PRELID3B: variants seen among roughly 807,000 people sequenced by gnomAD.
PRELID3B encodes the protein PRELI domain containing 3B, also known as PRELI domain containing protein 3B.
Under a neutral mutation model 24.0 loss-of-function variants are expected in PRELID3B, and 15 were observed. That is an observed-to-expected ratio of 0.63 (90% CI 0.42 to 0.96). The LOEUF (loss-of-function observed/expected upper bound fraction) is 0.96, where lower values mean the gene tolerates loss of function less well. PRELID3B is among the 40% of genes least tolerant of loss of function. The pLI is 0.00. For synonymous variants in PRELID3B, 62 were observed against 76.0 expected, an observed-to-expected ratio of 0.82 and a Z score of 0.96; for missense variants, 189 against 236.0, an observed-to-expected ratio of 0.80 and a Z score of 1.30.
At position 59,040,375 on chromosome 20, in the gene PRELID3B, GCT is replaced by G. The variant is rs773692350; in HGVS notation, c.33-1743_33-1742del. On this transcript the variant is annotated intron_variant, in intron 1 of 5. Coordinates refer to ENST00000355937, the MANE Select transcript of PRELID3B (RefSeq NM_016045.3). The surrounding 1 kb of genome is among the most constrained non-coding windows in gnomAD (Gnocchi z 4.1). ...GTAGAATCAGGAGGACCTGGCTATG[GCT>G]CACTGACCGGTCCAACTTCTTCACC... 2.0e-5 allele frequency among the ~76,000 whole-genome samples: 3 copies of G among 152,194 alleles called. No individual in the cohort carries two copies. The highest frequency in any genetic ancestry group is 2.9e-5 in the Non-Finnish European group (2 of 68,034).
In PRELID3B at chr20:59,039,994, T is replaced by A. The variant is rs189780069; in HGVS notation, c.33-1360A>T. 1.6e-3 allele frequency among the ~76,000 whole-genome samples: 250 copies of A among 152,256 alleles called. 1 individual carries two copies. The highest frequency in any genetic ancestry group is 2.5e-3 in the Non-Finnish European group (167 of 68,006). ...AAGCACTGATTCTTACCAAGGCAAC[T>A]CTCTAAAATGAAAATCAGATGAACC... On this transcript the variant is annotated intron_variant, in intron 1 of 5. Transcript: ENST00000355937.
rs769895356 is a variant in PRELID3B, at chr20:59,038,476, A to G, written c.191T>C (p.Ile64Thr). ...TAAAGACACACTTACAGACTTCACA[A>G]TGGAAGGCAGTCCCCACTCTGTGCT... ...LLSTEWGLPS[I>T]VKSLIGAART... Residue 64 changes from isoleucine to threonine, a missense_variant, in exon 2 of 6, where the codon ATT (isoleucine) becomes ACT (threonine). Transcript: ENST00000355937. The G allele has an allele frequency of 1.2e-6, 2 of 1,613,302 alleles. No individual in the cohort carries two copies. Among genetic ancestry groups the G allele is most frequent in the African/African-American group, 1.3e-5 (1 of 74,996 alleles).
At chr20:59,039,850 T>C (rs1357439251) in intron 1 of PRELID3B, among the ~76,000 whole-genome samples, 1 of 152,224 alleles carries the variant, frequency 6.6e-6, no homozygotes, top group African/African-American at 2.4e-5. Context: ...TATACAATAT[T>C]GTACCAATGA....
chr20:59,042,753 T>G lies in PRELID3B; in HGVS notation c.-23A>C, dbSNP rs779242806. The G allele has an allele frequency of 5.1e-5, 82 of 1,597,924 alleles. No individual in the cohort carries two copies. The highest frequency in any genetic ancestry group is 5.8e-5 in the Non-Finnish European group (68 of 1,173,052). Reference sequence around the variant, plus strand: ...CATGGTGCCGGCACCCTGAGAGATGTCCGGGTAGCGCCAGGGGACAACGAG... The same window carrying G: ...CATGGTGCCGGCACCCTGAGAGATGGCCGGGTAGCGCCAGGGGACAACGAG... On this transcript the variant is annotated 5_prime_UTR_variant, in exon 1 of 6. Coordinates refer to ENST00000355937, the MANE Select transcript of PRELID3B (RefSeq NM_016045.3).
At chr20:59,042,538 C>T (rs1470249876) in intron 1 of PRELID3B, among the ~76,000 whole-genome samples, 161 bp downstream of exon 1, 3 of 152,200 alleles carry the variant, frequency 2.0e-5, no homozygotes, top group Non-Finnish European at 4.4e-5. Context: ...GGGTCGTGAC[C>T]TTGGTCTGCC....
In PRELID3B at chr20:59,036,768, A is replaced by G; in HGVS notation, c.292-8T>C. On this transcript the variant is annotated splice_polypyrimidine_tract_variant and splice_region_variant and intron_variant, in intron 3 of 5. Coordinates refer to ENST00000355937, the MANE Select transcript of PRELID3B (RefSeq NM_016045.3). ...CATGTTTGTAAATGAAATCTACAGAATGAAGAAAAAAAAAAAAGATCAAAT... is the reference window on the plus strand; with the variant it reads ...CATGTTTGTAAATGAAATCTACAGAGTGAAGAAAAAAAAAAAAGATCAAAT... The G allele has an allele frequency of 6.7e-7, 1 of 1,500,896 alleles. No individual in the cohort carries two copies. Among genetic ancestry groups the G allele is most frequent in the Non-Finnish European group, 9.1e-7 (1 of 1,102,866 alleles). 93.0% of individuals were successfully genotyped at this position (1,500,896 alleles called of 1,614,324 possible).
chr20:59,035,191 A>G (rs749196348), intron 5 of PRELID3B, 65 bp from the exon 6 acceptor site: 6 of 1,459,378 alleles, frequency 4.1e-6, no homozygotes, highest in Non-Finnish European at 5.6e-6. Flanking sequence ...CGAACTAATG[A>G]CACACCAGGA....
In PRELID3B at chr20:59,036,750, G is replaced by T; in HGVS notation, c.302C>A (p.Thr101Lys). 1 of 1,555,744 alleles carries T rather than the reference G, an allele frequency of 6.4e-7. No individual in the cohort carries two copies. The highest frequency in any genetic ancestry group is 8.8e-7 in the Non-Finnish European group (1 of 1,138,676). ...MELKSTNISF[T>K]NMVSVDERLI... The stretch of plus-strand genomic sequence containing the variant: ...TCTCTCATCTACTGAAACCATGTTT[G>T]TAAATGAAATCTACAGAATGAAGAA... Residue 101 changes from threonine to lysine, a missense_variant, in exon 4 of 6, where the codon ACA (threonine) becomes AAA (lysine). By Grantham distance (78) the Thr-to-Lys change is moderately conservative. Coordinates refer to ENST00000355937, the MANE Select transcript of PRELID3B (RefSeq NM_016045.3).
At position 59,038,585 on chromosome 20, in the gene PRELID3B, G is replaced by A; in HGVS notation, c.82C>T (p.Pro28Ser). The change falls in exon 2 of 6, where the codon CCT (proline) becomes TCT (serine). Residue 28 changes from proline to serine, a missense_variant. Physicochemically the swap from Pro to Ser is moderately conservative, Grantham distance 74. Coordinates refer to ENST00000355937, the MANE Select transcript of PRELID3B (RefSeq NM_016045.3). The stretch of plus-strand genomic sequence containing the variant: ...ACTCCAACCACACTTGGGTTCATAG[G>A]GTTTGGGTATTTCTGCATTGCAGCT... ...TTAAMQKYPN[P>S]MNPSVVGVDV... The A allele has an allele frequency of 6.2e-7, 1 of 1,613,406 alleles. No individual in the cohort carries two copies. Among genetic ancestry groups the A allele is most frequent in the Non-Finnish European group, 8.5e-7 (1 of 1,179,744 alleles).
At chr20:59,035,324 T>C (rs1352619908) in intron 5 of PRELID3B, among the ~76,000 whole-genome samples, 198 bp from the exon 6 acceptor site, 2 of 152,266 alleles carry the variant, frequency 1.3e-5, no homozygotes, top group Admixed American at 6.5e-5. Flanking sequence ...ATCCATAAAC[T>C]GACTTTTACT....
At position 59,040,678 on chromosome 20, in the gene PRELID3B, G is replaced by C. The variant is rs894951848; in HGVS notation, c.32+2021C>G. ...TCAGAAACAACGCTCAGATTTGTCA[G>C]GGGAGATGATGACTTCAATTTCAGA... On this transcript the variant is annotated intron_variant, in intron 1 of 5. Coordinates refer to ENST00000355937, the MANE Select transcript of PRELID3B (RefSeq NM_016045.3). This position sits in a 1 kb window ranked among gnomAD's most constrained non-coding sequence, Gnocchi z 4.1. Among the ~76,000 whole-genome samples, 2 of 152,226 alleles carry C rather than the reference G, an allele frequency of 1.3e-5. No individual in the cohort carries two copies. Among genetic ancestry groups the C allele is most frequent in the African/African-American group, 4.8e-5 (2 of 41,454 alleles).
chr20:59,039,392 T>C (rs899111824), intron 1 of PRELID3B, among the ~76,000 whole-genome samples: 1 of 152,242 alleles, frequency 6.6e-6, no homozygotes, highest in Admixed American at 6.5e-5. Context: ...TATCTTTATT[T>C]TCTTCAAAAA....
chr20:59,036,826 A>T (rs2092076549), intron 3 of PRELID3B, 66 bp from the exon 4 acceptor site: 1 of 1,064,396 alleles, frequency 9.4e-7, no homozygotes, highest in Non-Finnish European at 1.4e-6. Flanking sequence ...AATGTTGCTA[A>T]AATCAACACA....
Position 59,038,548 on chromosome 20 carries a change from T to C in PRELID3B, c.119A>G (p.Asp40Gly). Reference sequence around the variant, plus strand: ...CTTTCCAGAGGGATCTATATGTCTGTCCAACACATCAACTCCAACCACACT... The same window carrying C: ...CTTTCCAGAGGGATCTATATGTCTGCCCAACACATCAACTCCAACCACACT... Reference protein sequence around the residue: ...NPSVVGVDVLDRHIDPSGKLH... With the variant: ...NPSVVGVDVLGRHIDPSGKLH... The change falls in exon 2 of 6, where the codon GAC (aspartate) becomes GGC (glycine). Residue 40 changes from aspartate to glycine, a missense_variant. By Grantham distance (94) the Asp-to-Gly change is moderately conservative. Transcript: ENST00000355937. The C allele has an allele frequency of 6.2e-7, 1 of 1,613,622 alleles. No individual in the cohort carries two copies. The highest frequency in any genetic ancestry group is 1.1e-5 in the South Asian group (1 of 91,068).
At position 59,038,591 on chromosome 20, in the gene PRELID3B, G is replaced by A; in HGVS notation, c.76C>T (p.Pro26Ser). ...TVTTAAMQKY[P>S]NPMNPSVVGV... is the part of the protein sequence containing the mutation. ...ACCACACTTGGGTTCATAGGGTTTG[G>A]GTATTTCTGCATTGCAGCTGTTGTA... Residue 26 changes from proline (P) to serine (S), a missense_variant, in exon 2 of 6, where the codon CCA becomes TCA. Physicochemically the swap from Pro to Ser is moderately conservative, Grantham distance 74 (BLOSUM62 -1). Transcript: ENST00000355937. 6.2e-7 allele frequency: 1 copy of A among 1,613,224 alleles called. No individual in the cohort carries two copies. The highest frequency in any genetic ancestry group is 8.5e-7 in the Non-Finnish European group (1 of 1,179,680).
At chr20:59,039,659 C>T (rs2092097901) in intron 1 of PRELID3B, among the ~76,000 whole-genome samples, 1 of 152,206 alleles carries the variant, frequency 6.6e-6, no homozygotes, top group South Asian at 2.1e-4. Flanking sequence ...TGTTAAGCCA[C>T]ACAGCATTAC....
At position 59,039,306 on chromosome 20, in the gene PRELID3B, C is replaced by A. The variant is rs573292723; in HGVS notation, c.33-672G>T. Among the ~76,000 whole-genome samples the A allele has an allele frequency of 2.6e-5, 4 of 152,300 alleles. No homozygotes were observed. In the East Asian group the frequency reaches 7.7e-4, roughly 29 times the overall value. Reference sequence around the variant, plus strand: ...CTAATATACTATTTTCTAATATTCTCTTTTAATATAATAAGCACTTGCTTA... The same window carrying A: ...CTAATATACTATTTTCTAATATTCTATTTTAATATAATAAGCACTTGCTTA... On this transcript the variant is annotated intron_variant, in intron 1 of 5. Transcript: ENST00000355937.
chr20:59,037,989 C>G (rs2092085926), intron 2 of PRELID3B: 1 of 155,712 alleles, frequency 6.4e-6, no homozygotes, highest in Non-Finnish European at 1.4e-5. Context: ...AATCTGCTCA[C>G]TAAAGCCTGC....
At chr20:59,035,306 C>G (rs1043268218) in intron 5 of PRELID3B, among the ~76,000 whole-genome samples, 180 bp from the exon 6 acceptor site, 2 of 152,250 alleles carry the variant, frequency 1.3e-5, no homozygotes, top group Non-Finnish European at 2.9e-5. Flanking sequence ...CCTTGAGCAA[C>G]TGGCTTGATC....
Sources: gnomAD v4.1 joint callset for allele counts (sites outside exome capture counted in the v4.1 genomes callset) on GRCh38, gnomAD v4.1.1 for gene constraint, Gnocchi (gnomAD v3.1) non-coding constraint, MANE v1.5 for transcripts, NCBI Gene and HGNC (gene_info 2026-07-23, HGNC 2026-07-21) for gene names.